Variants in DNM3 observed in about 807,000 individuals in gnomAD.
The protein encoded by DNM3 is dynamin 3, also known as dynamin-3.
DNM3 carries 47 observed loss-of-function variants against 101.6 expected under a neutral mutation model. That is an observed-to-expected ratio of 0.46 (90% CI 0.37 to 0.59). DNM3 has a LOEUF of 0.59. Ranked by LOEUF, DNM3 falls within the 20% of genes least tolerant of loss-of-function variation. The pLI is 0.00. For missense variants in DNM3, 849 were observed against 1,085.7 expected (o/e 0.78, Z 3.06); for synonymous variants, 385 against 387.9 (o/e 0.99, Z 0.09).
chr1:171,956,293 C>A (rs1209303812), intron 2 of DNM3, among the ~76,000 whole-genome samples: 1 of 152,196 alleles, frequency 6.6e-6, no homozygotes, highest in Admixed American at 6.5e-5. Flanking sequence ...TTCCTAGATA[C>A]AATGGGGGTA....
At chr1:172,128,940 G>A (rs1401657602) in intron 13 of DNM3, among the ~76,000 whole-genome samples, 4 of 152,136 alleles carry the variant, frequency 2.6e-5, no homozygotes, top group African/African-American at 9.7e-5. Context: ...CTCTGTTCCA[G>A]GGAGCATGCA....
intron 12 of DNM3, among the ~76,000 whole-genome samples, chr1:172,092,163 G>T (rs779522331): frequency 2.0e-5 from 3 of 152,092 alleles, no homozygotes; most frequent in Non-Finnish European, 4.4e-5. Context: ...CAAGTGATGA[G>T]GTTAAGTTGT....
At chr1:172,351,957 G>A (rs2067220524) in intron 17 of DNM3, among the ~76,000 whole-genome samples, 1 of 152,172 alleles carries the variant, frequency 6.6e-6, no homozygotes, top group South Asian at 2.1e-4. Flanking sequence ...TCATTGAACA[G>A]CCAAAGGAGA....
rs141407762 is a variant in DNM3 at position 171,887,566 on chromosome 1, T to C, written c.162-34182T>C. Among the ~76,000 whole-genome samples, 307 of 152,348 alleles carry C rather than the reference T, an allele frequency of 2.0e-3. 3 individuals are homozygous for C. Among genetic ancestry groups the C allele is most frequent in the African/African-American group, 7.1e-3 (296 of 41,590 alleles). Reference sequence around the variant, plus strand: ...TCAGTGTAGCAAAATAACTCCATTCTTTATAGATCTTTTTCTGATGATTTA... The same window carrying C: ...TCAGTGTAGCAAAATAACTCCATTCCTTATAGATCTTTTTCTGATGATTTA... On this transcript the variant is annotated intron_variant, in intron 1 of 20. Coordinates refer to ENST00000627582, the MANE Select transcript of DNM3 (RefSeq NM_015569.5).
rs1171420174 is a variant in DNM3 at position 172,411,477 on chromosome 1, C to T, written c.*3636C>T. On this transcript the variant is annotated 3_prime_UTR_variant, in exon 21 of 21. Coordinates refer to ENST00000627582, the MANE Select transcript of DNM3 (RefSeq NM_015569.5). ...GGAATTATAAATTATTTTTGGATTG[C>T]TGAGCTGAATCTTAAAAAGCCAAGT... 3.1e-6 allele frequency: 3 copies of T among 983,030 alleles called. No individual in the cohort carries two copies. Among genetic ancestry groups the T allele is most frequent in the African/African-American group, 1.8e-5 (1 of 56,594 alleles). 60.9% of individuals were successfully genotyped at this position (983,030 alleles called of 1,614,324 possible). A position where few individuals can be genotyped will look rare whatever the true frequency, so the allele number is the denominator to read the frequency against.
chr1:172,373,681 C>T (rs1220054890), intron 17 of DNM3, among the ~76,000 whole-genome samples: 1 of 151,814 alleles, frequency 6.6e-6, no homozygotes, highest in Admixed American at 6.6e-5. Context: ...TAGGGTAAAG[C>T]AAAGATAGTT....
intron 15 of DNM3, among the ~76,000 whole-genome samples, chr1:172,303,061 G>A (rs1183532258): frequency 6.6e-6 from 1 of 152,120 alleles, no homozygotes; most frequent in Non-Finnish European, 1.5e-5. Flanking sequence ...GGCCTCAGAA[G>A]GTCAGTAATA....
At chr1:172,377,512 C>T (rs1270461953) in intron 17 of DNM3, among the ~76,000 whole-genome samples, 1 of 146,200 alleles carries the variant, frequency 6.8e-6, no homozygotes, top group Non-Finnish European at 1.5e-5. Context: ...ATGTTTTCTT[C>T]AGAAAGCTGT....
intron 15 of DNM3, among the ~76,000 whole-genome samples, chr1:172,271,696 A>G (rs777638146): frequency 3.3e-5 from 5 of 152,160 alleles, no homozygotes; most frequent in African/African-American, 9.6e-5. Flanking sequence ...ATCTGAAATC[A>G]TATCAATGAG....
intron 17 of DNM3, among the ~76,000 whole-genome samples, chr1:172,335,078 C>A (rs992026259): frequency 2.6e-5 from 4 of 152,064 alleles, no homozygotes; most frequent in Admixed American, 2.0e-4. Flanking sequence ...AATCATAATT[C>A]TTTCCTTTCC....
At chr1:172,007,783 T>C (rs918647563) in intron 4 of DNM3, among the ~76,000 whole-genome samples, 4 of 152,108 alleles carry the variant, frequency 2.6e-5, no homozygotes, top group Non-Finnish European at 4.4e-5. Context: ...ATTTATTTAT[T>C]TGAGACAGGG....
At chr1:172,200,542 G>A (rs975823481) in intron 14 of DNM3, among the ~76,000 whole-genome samples, 2 of 152,122 alleles carry the variant, frequency 1.3e-5, no homozygotes, top group African/African-American at 4.8e-5. Flanking sequence ...AGGGATGCCA[G>A]TGATTTGTAG....
At chr1:171,884,093 G>A (rs2036558422) in intron 1 of DNM3, among the ~76,000 whole-genome samples, 1 of 152,178 alleles carries the variant, frequency 6.6e-6, no homozygotes, top group African/African-American at 2.4e-5. Context: ...GTTTTGTCTG[G>A]TTCCAGCCCT....
chr1:172,057,627 T>C (rs1405521654), intron 10 of DNM3, among the ~76,000 whole-genome samples: 2 of 151,918 alleles, frequency 1.3e-5, no homozygotes, highest in Non-Finnish European at 2.9e-5. Flanking sequence ...TAAAATACTT[T>C]ACAGACAAGC....
rs181664393 is a variant in DNM3 at position 172,112,763 on chromosome 1, G to T, written c.1546-18412G>T. ...GTAAGCTGAATCATTCACATCATAA[G>T]GTTGAGTCGCTCTATGCCTCACAGT... is the stretch of plus-strand genomic sequence containing the variant. On this transcript the variant is annotated intron_variant, in intron 13 of 20. Transcript: ENST00000627582. Among the ~76,000 whole-genome samples the T allele has an allele frequency of 1.2e-4, 18 of 152,274 alleles. No individual in the cohort carries two copies. In the East Asian group the frequency reaches 3.3e-3, roughly 28 times the overall value.
At chr1:172,183,779 T>TTTC (rs1272382954) in intron 14 of DNM3, among the ~76,000 whole-genome samples, 1 of 141,220 alleles carries the variant, frequency 7.1e-6, no homozygotes, top group Non-Finnish European at 1.5e-5. Flanking sequence ...TTTTTTTTTT[T>TTTC]TTTTTTTTTT....
At chr1:172,401,853 T>G (rs2070513083) in intron 20 of DNM3, among the ~76,000 whole-genome samples, 1 of 152,204 alleles carries the variant, frequency 6.6e-6, no homozygotes, top group Non-Finnish European at 1.5e-5. Flanking sequence ...TTTCTGACTT[T>G]AAATAAATGC....
At chr1:172,314,801 C>CT (rs2065247911) in intron 16 of DNM3, among the ~76,000 whole-genome samples, 1 of 152,230 alleles carries the variant, frequency 6.6e-6, no homozygotes, top group African/African-American at 2.4e-5. Flanking sequence ...GGCTCCACCT[C>CT]TGGGGGCAGG....
At chr1:172,021,264 A>C (rs1221487556) in intron 4 of DNM3, among the ~76,000 whole-genome samples, 2 of 152,134 alleles carry the variant, frequency 1.3e-5, no homozygotes, top group African/African-American at 4.8e-5. Context: ...TGAGGCCAGG[A>C]GTTCAAGACC....
Sources: gnomAD v4.1 joint callset for allele counts (sites outside exome capture counted in the v4.1 genomes callset) on GRCh38, gnomAD v4.1.1 for gene constraint, MANE v1.5 for transcripts, NCBI Gene and HGNC (gene_info 2026-07-23, HGNC 2026-07-21) for gene names.